GMDS: variants seen among roughly 807,000 people sequenced by gnomAD.
GMDS encodes the protein GDP-mannose 4,6 dehydratase.
Under a neutral mutation model 49.9 loss-of-function variants are expected in GMDS, and 20 were observed. That is an observed-to-expected ratio of 0.40 (90% CI 0.28 to 0.58). The LOEUF (loss-of-function observed/expected upper bound fraction) is 0.58, where lower values mean the gene tolerates loss of function less well. Ranked by LOEUF, GMDS falls within the 20% of genes least tolerant of loss-of-function variation. The pLI, the probability that GMDS is intolerant of heterozygous loss-of-function variation, is 0.42. For missense variants in GMDS, 362 were observed against 481.4 expected (o/e 0.75, Z 2.32); for synonymous variants, 177 against 178.6 (o/e 0.99, Z 0.07).
In GMDS at chr6:2,160,485, A is replaced by T. The variant is rs116346281; in HGVS notation, c.103-35754T>A. Among the ~76,000 whole-genome samples, 864 of 152,358 alleles carry T rather than the reference A, an allele frequency of 5.7e-3. 2 individuals are homozygous for T. The highest frequency in any genetic ancestry group is 0.017 in the Middle Eastern group (5 of 294). ...AACTTTATTAACTCTTTTTTAAAATAGATTCTTTTTAAAGACAAATTTTCA... is the reference window on the plus strand; with the variant it reads ...AACTTTATTAACTCTTTTTTAAAATTGATTCTTTTTAAAGACAAATTTTCA... On this transcript the variant is annotated intron_variant, in intron 1 of 10. Transcript: ENST00000380815.
chr6:2,052,116 C>CAAAAAAAAAAAAAAAAAAAAAAAAA (rs1285013159), intron 4 of GMDS, among the ~76,000 whole-genome samples: 35 of 43,574 alleles, frequency 8.0e-4, no homozygotes, highest in South Asian at 1.7e-3. Context: ...GACTCTGTCT[C>CAAAAAAAAAAAAAAAAAAAAAAAAA]AAAAAAAAAA....
intron 4 of GMDS, among the ~76,000 whole-genome samples, chr6:2,059,246 G>A (rs570025689): frequency 6.9e-6 from 1 of 144,888 alleles, no homozygotes; most frequent in South Asian, 2.2e-4. Flanking sequence ...CAAAAGAGGT[G>A]TATATTTGAA....
chr6:1,740,439 C>T (rs1030697509), intron 8 of GMDS, among the ~76,000 whole-genome samples: 1 of 151,978 alleles, frequency 6.6e-6, no homozygotes. Context: ...TGCCTGTAAT[C>T]CCAGCTACTT....
chr6:2,235,487 C>A (rs566180826), intron 1 of GMDS, among the ~76,000 whole-genome samples: 2 of 152,172 alleles, frequency 1.3e-5, no homozygotes, highest in East Asian at 3.9e-4. Context: ...AGCTGGAGCT[C>A]CCCATAGTCT....
chr6:1,781,099 G>A lies in GMDS; in HGVS notation c.772-38513C>T, dbSNP rs3800062. Among the ~76,000 whole-genome samples, 29 of 152,014 alleles carry A rather than the reference G, an allele frequency of 1.9e-4. No homozygotes were observed. The East Asian group carries it at 5.6e-3, about 30-fold the overall frequency. On this transcript the variant is annotated intron_variant, in intron 7 of 10. Coordinates refer to ENST00000380815, the MANE Select transcript of GMDS (RefSeq NM_001500.4). Reference sequence around the variant, plus strand: ...GGGAAAACACGATTGCAAGACGAAGGACACCGAGAAGGCACATGACAGCTT... The same window carrying A: ...GGGAAAACACGATTGCAAGACGAAGAACACCGAGAAGGCACATGACAGCTT...
At chr6:2,185,080 C>T (rs761604126) in intron 1 of GMDS, among the ~76,000 whole-genome samples, 3 of 152,210 alleles carry the variant, frequency 2.0e-5, no homozygotes, top group Non-Finnish European at 2.9e-5. Context: ...TTGGTCAAGC[C>T]GACAAGGCAA....
intron 9 of GMDS, among the ~76,000 whole-genome samples, chr6:1,713,156 T>C (rs12203614): frequency 0.088 from 13,451 of 152,278 alleles, 730 homozygotes; most frequent in East Asian, 0.17. Context: ...CTGTTTTATG[T>C]TTTGCCAAAT....
chr6:2,161,088 T>C (rs1777374690), intron 1 of GMDS, among the ~76,000 whole-genome samples: 1 of 151,278 alleles, frequency 6.6e-6, no homozygotes, highest in African/African-American at 2.4e-5. Context: ...CTCGGCTCAC[T>C]GCAACCTCTG....
chr6:1,942,608 G>A (rs1375916694), intron 6 of GMDS, among the ~76,000 whole-genome samples: 2 of 152,200 alleles, frequency 1.3e-5, no homozygotes, highest in East Asian at 3.9e-4. Flanking sequence ...GAAAGGGGCA[G>A]TGATCCTAGT....
chr6:1,909,227 G>T (rs997344911), intron 7 of GMDS, among the ~76,000 whole-genome samples: 2 of 152,212 alleles, frequency 1.3e-5, no homozygotes, highest in African/African-American at 4.8e-5. Context: ...AGAGAAAGGT[G>T]CAGCTAAACT....
intron 8 of GMDS, among the ~76,000 whole-genome samples, chr6:1,738,943 C>A (rs187158119): frequency 6.6e-6 from 1 of 152,142 alleles, no homozygotes; most frequent in African/African-American, 2.4e-5. Context: ...ATGAAATCTG[C>A]GGAAATCAGG....
chr6:1,625,422 G>T (rs564182769), intron 9 of GMDS: 1 of 152,284 alleles, frequency 6.6e-6, no homozygotes, highest in African/African-American at 2.4e-5. Flanking sequence ...AGCTCTGCAG[G>T]ACCCCGCACT....
chr6:2,113,651 G>C (rs909230665), intron 4 of GMDS, among the ~76,000 whole-genome samples: 1 of 151,716 alleles, frequency 6.6e-6, no homozygotes. Context: ...GTTCCGCCTC[G>C]CACTATCCAT....
chr6:2,232,691 C>T (rs1322551021), intron 1 of GMDS, among the ~76,000 whole-genome samples: 1 of 152,078 alleles, frequency 6.6e-6, no homozygotes, highest in Non-Finnish European at 1.5e-5. Context: ...GGAACAGCAC[C>T]CAAAATCACG....
At chr6:1,796,182 T>C (rs1769726753) in intron 7 of GMDS, among the ~76,000 whole-genome samples, 2 of 152,180 alleles carry the variant, frequency 1.3e-5, no homozygotes, top group African/African-American at 4.8e-5. Context: ...ATGCTGGCTC[T>C]GGAAGTCCAC....
chr6:2,214,493 A>C (rs1780225785), intron 1 of GMDS, among the ~76,000 whole-genome samples: 1 of 152,188 alleles, frequency 6.6e-6, no homozygotes, highest in African/African-American at 2.4e-5. Context: ...TGTATTAGAT[A>C]TTATAAGTAA....
rs543255804 is a variant in GMDS at position 1,770,555 on chromosome 6, C to A, written c.772-27969G>T. Among the ~76,000 whole-genome samples, 12 of 152,340 alleles carry A rather than the reference C, an allele frequency of 7.9e-5. No homozygotes were observed. The South Asian group carries it at 2.5e-3, about 32-fold the overall frequency. On this transcript the variant is annotated intron_variant, in intron 7 of 10. Transcript: ENST00000380815. ...GGTGATTTGGAGTCCCTGCCATGAC[C>A]CCACGGTGTGGGGAGTGAGACAATG...
chr6:1,786,275 C>A (rs1769317227), intron 7 of GMDS, among the ~76,000 whole-genome samples: 1 of 152,162 alleles, frequency 6.6e-6, no homozygotes, highest in Admixed American at 6.5e-5. Flanking sequence ...AACTGTGATC[C>A]AGAAAGATGG....
chr6:1,749,025 AG>A (rs561937095), intron 7 of GMDS, among the ~76,000 whole-genome samples: 167 of 152,220 alleles, frequency 1.1e-3, no homozygotes, highest in Non-Finnish European at 1.5e-3. Flanking sequence ...GAATCTTAGG[AG>A]GGGGAACAGG....
Sources: gnomAD v4.1 joint callset for allele counts (sites outside exome capture counted in the v4.1 genomes callset) on GRCh38, gnomAD v4.1.1 for gene constraint, MANE v1.5 for transcripts, NCBI Gene and HGNC (gene_info 2026-07-23, HGNC 2026-07-21) for gene names.